Variants in CHST9 observed in about 807,000 individuals in gnomAD.
The protein encoded by CHST9 is carbohydrate sulfotransferase 9.
Under a neutral mutation model 44.4 loss-of-function variants are expected in CHST9, and 41 were observed. The ratio of observed to expected loss-of-function variants is 0.92; its 90% CI spans 0.72 to 1.20. The LOEUF (loss-of-function observed/expected upper bound fraction) is 1.20, where lower values mean the gene tolerates loss of function less well. Among genes scored for constraint, CHST9 ranks in the 50% most tolerant of loss-of-function variants. The pLI, the probability that CHST9 is intolerant of heterozygous loss-of-function variation, is 0.00. For missense variants in CHST9, 504 were observed against 516.5 expected (o/e 0.98, Z 0.23); for synonymous variants, 171 against 178.4 (o/e 0.96, Z 0.33).
At chr18:27,000,390 C>T (rs978957244) in intron 4 of CHST9, among the ~76,000 whole-genome samples, 6 of 152,234 alleles carry the variant, frequency 3.9e-5, no homozygotes, top group Non-Finnish European at 8.8e-5. Flanking sequence ...AAGGTGTTCA[C>T]TTACGAAGGG....
At chr18:26,996,349 A>G (rs2056887774) in intron 4 of CHST9, among the ~76,000 whole-genome samples, 2 of 152,072 alleles carry the variant, frequency 1.3e-5, no homozygotes, top group Non-Finnish European at 2.9e-5. Context: ...GGTAACCCTC[A>G]ACGTTGGAGG....
chr18:27,166,039 T>C (rs1157103048), intron 1 of CHST9, among the ~76,000 whole-genome samples: 1 of 152,178 alleles, frequency 6.6e-6, no homozygotes, highest in African/African-American at 2.4e-5. Context: ...ACAGTGGTAA[T>C]CATTGCTTTT....
chr18:26,927,589 A>G (rs2055793948), intron 5 of CHST9, among the ~76,000 whole-genome samples: 1 of 152,172 alleles, frequency 6.6e-6, no homozygotes, highest in Admixed American at 6.5e-5. Flanking sequence ...TGATGTGCAT[A>G]TACATAAACA....
chr18:27,014,428 T>G (rs2057122214), intron 4 of CHST9, among the ~76,000 whole-genome samples: 1 of 112,162 alleles, frequency 8.9e-6, no homozygotes, highest in Non-Finnish European at 1.6e-5. Context: ...CACTCCAGCC[T>G]GGGCGACAGA....
chr18:27,066,769 C>T (rs1244515819), intron 2 of CHST9, among the ~76,000 whole-genome samples: 5 of 152,086 alleles, frequency 3.3e-5, no homozygotes, highest in Non-Finnish European at 5.9e-5. Flanking sequence ...ACTATATAAC[C>T]TAAATTATTT....
intron 4 of CHST9, among the ~76,000 whole-genome samples, chr18:27,005,474 A>C (rs1237906853): frequency 2.0e-5 from 3 of 152,146 alleles, no homozygotes; most frequent in Admixed American, 2.0e-4. Context: ...AATCGATGCT[A>C]TTTTTAGATT....
intron 5 of CHST9, chr18:26,925,682 T>C (rs2055753390): frequency 6.6e-6 from 1 of 152,224 alleles, no homozygotes; most frequent in East Asian, 1.9e-4. Context: ...ATTTTGTTTT[T>C]CTGAGCTTCA....
rs765154888 is a variant in CHST9 at position 26,916,543 on chromosome 18, A to G, written c.1048T>C (p.Trp350Arg). The G allele has an allele frequency of 6.2e-7, 1 of 1,613,890 alleles. No individual in the cohort carries two copies. The highest frequency in any genetic ancestry group is 8.5e-7 in the Non-Finnish European group (1 of 1,179,800). ...SHRPVGMDIH[W>R]EKVSKLCYPC... Reference sequence around the variant, plus strand: ...TAGCAGAGTTTGCTGACCTTTTCCCAGTGAATGTCCATTCCTACTGGACGG... The same window carrying G: ...TAGCAGAGTTTGCTGACCTTTTCCCGGTGAATGTCCATTCCTACTGGACGG... Residue 350 changes from tryptophan (W) to arginine (R), a missense_variant, in exon 6 of 6, where the codon TGG (tryptophan) becomes CGG (arginine). By Grantham distance (101) the Trp-to-Arg change is moderately radical (BLOSUM62 -3). Transcript: ENST00000618847.
At chr18:26,935,603 C>T (rs2055974102) in intron 5 of CHST9, 1 of 152,180 alleles carries the variant, frequency 6.6e-6, no homozygotes, top group Non-Finnish European at 1.5e-5. Context: ...TCCACATCCA[C>T]AGAACACTGG....
At chr18:27,045,812 C>T (rs1056190255) in intron 3 of CHST9, among the ~76,000 whole-genome samples, 2 of 151,906 alleles carry the variant, frequency 1.3e-5, no homozygotes, top group Admixed American at 6.6e-5. Context: ...AATCAATAGC[C>T]CGGACTGCAA....
intron 4 of CHST9, among the ~76,000 whole-genome samples, chr18:26,997,580 A>G (rs1218426003): frequency 6.6e-6 from 1 of 152,208 alleles, no homozygotes; most frequent in East Asian, 1.9e-4. Flanking sequence ...ATGCCATGGG[A>G]AAGAGTTCTG....
intron 3 of CHST9, among the ~76,000 whole-genome samples, chr18:27,039,153 A>C (rs2057419359): frequency 6.6e-6 from 1 of 152,154 alleles, no homozygotes; most frequent in African/African-American, 2.4e-5. Flanking sequence ...ATGATCCAGC[A>C]ATTCTATTTC....
chr18:26,993,450 A>T (rs532126969), intron 4 of CHST9, among the ~76,000 whole-genome samples: 1 of 152,316 alleles, frequency 6.6e-6, no homozygotes, highest in South Asian at 2.1e-4. Context: ...TAACCAAAGA[A>T]TCCAAGAAAA....
At chr18:27,034,687 A>T (rs931898385) in intron 3 of CHST9, among the ~76,000 whole-genome samples, 9 of 152,012 alleles carry the variant, frequency 5.9e-5, no homozygotes, top group Non-Finnish European at 1.2e-4. Context: ...CTTCTCTCAG[A>T]TCTGCTCAAG....
intron 2 of CHST9, among the ~76,000 whole-genome samples, chr18:27,133,702 A>G (rs1405950163): frequency 2.0e-5 from 3 of 152,230 alleles, no homozygotes; most frequent in Non-Finnish European, 4.4e-5. Flanking sequence ...TTAAAAAACA[A>G]TGAAACAGCT....
At chr18:26,963,055 C>A (rs1290130302) in intron 4 of CHST9, among the ~76,000 whole-genome samples, 3 of 152,066 alleles carry the variant, frequency 2.0e-5, no homozygotes, top group African/African-American at 7.2e-5. Context: ...ATTAATTCAC[C>A]CATTTAGTCA....
rs2055479730 is a variant in CHST9 at position 26,914,186 on chromosome 18, C to T, written c.*2073G>A. 6.6e-6 allele frequency: 1 copy of T among 152,182 alleles called. No individual in the cohort carries two copies. Among genetic ancestry groups the T allele is most frequent in the African/African-American group, 2.4e-5 (1 of 41,434 alleles). The allele number at this position is 152,182 out of a possible 1,614,324, so 9.4% of individuals were successfully genotyped here. On this transcript the variant is annotated 3_prime_UTR_variant, in exon 6 of 6. Coordinates refer to ENST00000618847, the MANE Select transcript of CHST9 (RefSeq NM_031422.6). ...CCAAACATTTATATAGGTATGCATT[C>T]CACCCTGCCCAATGCATTACAAATG...
chr18:27,089,539 A>T (rs1598714802), intron 2 of CHST9, among the ~76,000 whole-genome samples: 1 of 152,252 alleles, frequency 6.6e-6, no homozygotes, highest in Non-Finnish European at 1.5e-5. Context: ...TCTATCATTG[A>T]TGGACATTTG....
chr18:27,113,198 A>G (rs1177973685), intron 2 of CHST9, among the ~76,000 whole-genome samples: 3 of 152,030 alleles, frequency 2.0e-5, no homozygotes, highest in Non-Finnish European at 4.4e-5. Context: ...CAGAAAAAAA[A>G]AAAAAAAAAT....
Sources: allele counts gnomAD v4.1 joint callset (sites outside exome capture counted in the v4.1 genomes callset), GRCh38; gene constraint gnomAD v4.1.1; transcripts MANE v1.5; gene names NCBI Gene and HGNC (gene_info 2026-07-23, HGNC 2026-07-21).